TRHR: variants seen among roughly 807,000 people sequenced by gnomAD.
TRHR encodes the protein thyrotropin releasing hormone receptor.
Under a neutral mutation model 28.0 loss-of-function variants are expected in TRHR, and 14 were observed. The ratio of observed to expected loss-of-function variants is 0.50; its 90% CI spans 0.33 to 0.78. The LOEUF (loss-of-function observed/expected upper bound fraction) is 0.78. TRHR is among the 30% of genes least tolerant of loss of function. The pLI, the probability that TRHR is intolerant of heterozygous loss-of-function variation, is 0.02. For synonymous variants in TRHR, 176 were observed against 171.9 expected (o/e 1.02, Z -0.18); for missense variants, 438 against 469.5 (o/e 0.93, Z 0.62).
chr8:109,098,670 C>T (rs1267985514), intron 2 of TRHR, among the ~76,000 whole-genome samples: 1 of 152,160 alleles, frequency 6.6e-6, no homozygotes, highest in Non-Finnish European at 1.5e-5. Context: ...CACCCTCATA[C>T]AGGCAATTTC....
chr8:109,097,221 C>T (rs1452937657), intron 2 of TRHR, among the ~76,000 whole-genome samples: 1 of 152,100 alleles, frequency 6.6e-6, no homozygotes, highest in Admixed American at 6.6e-5. Context: ...AATGACCACC[C>T]AGGGAAGGGA....
intron 2 of TRHR, among the ~76,000 whole-genome samples, chr8:109,107,504 T>A (rs1811768597): frequency 1.3e-5 from 2 of 152,192 alleles, no homozygotes; most frequent in Admixed American, 1.3e-4. Context: ...ACCACTATAC[T>A]AATACTGCAA....
chr8:109,110,634 T>C (rs1426514235), intron 2 of TRHR, among the ~76,000 whole-genome samples: 1 of 152,158 alleles, frequency 6.6e-6, no homozygotes, highest in Non-Finnish European at 1.5e-5. Flanking sequence ...TTAGCATCCC[T>C]GGGTGGCTTC....
intron 2 of TRHR, among the ~76,000 whole-genome samples, chr8:109,099,426 C>A (rs1041391047): frequency 6.6e-6 from 1 of 152,138 alleles, no homozygotes; most frequent in Non-Finnish European, 1.5e-5. Context: ...TTAGTGGATT[C>A]TCTCAGTTGG....
Position 109,088,297 on chromosome 8 carries a change from A to ATT in TRHR, c.785_786insTT (p.Lys262AsnfsTer12). ...TTCAACAGCACAGTATCTTCAAGGA[A>ATT]GCAGGTAAGCAAAACTGAAACTCCA... On this transcript the variant is annotated frameshift_variant, in exon 2 of 3. Coordinates refer to ENST00000518632, the MANE Select transcript of TRHR (RefSeq NM_003301.7). LOFTEE classifies it high-confidence loss of function. 1 of 1,613,220 alleles carries ATT rather than the reference A, an allele frequency of 6.2e-7. No individual in the cohort carries two copies. Among genetic ancestry groups the ATT allele is most frequent in the Non-Finnish European group, 8.5e-7 (1 of 1,179,966 alleles).
In TRHR at chr8:109,119,127, C is replaced by A; in HGVS notation, c.869C>A (p.Ser290Ter). Residue 290 changes from serine (S) to a stop codon, truncating the protein, a stop_gained, in exon 3 of 3, where the codon TCA becomes TAA. Coordinates refer to ENST00000518632, the MANE Select transcript of TRHR (RefSeq NM_003301.7). LOFTEE classifies it high-confidence loss of function. ...TACAGGACTCTAGTGGTTGTCAACT[C>A]ATTTCTCTCCAGTCCTTTCCAAGAA... ...MPYRTLVVVN[S>*]FLSSPFQENW... is the part of the protein sequence containing the mutation. 6.2e-7 allele frequency: 1 copy of A among 1,612,940 alleles called. No homozygotes were observed. Among genetic ancestry groups the A allele is most frequent in the East Asian group, 2.2e-5 (1 of 44,846 alleles).
intron 2 of TRHR, among the ~76,000 whole-genome samples, chr8:109,100,876 G>C (rs1454237567): frequency 1.3e-5 from 2 of 151,644 alleles, no homozygotes; most frequent in Non-Finnish European, 2.9e-5. Context: ...TTATGTACTA[G>C]GACCTACACA....
intron 2 of TRHR, among the ~76,000 whole-genome samples, chr8:109,089,972 G>C (rs1361189986): frequency 7.2e-5 from 11 of 152,016 alleles, no homozygotes. Flanking sequence ...GCTTTAATTT[G>C]CTAATTATGT....
chr8:109,093,997 T>C (rs1811551835), intron 2 of TRHR, among the ~76,000 whole-genome samples: 1 of 152,088 alleles, frequency 6.6e-6, no homozygotes, highest in South Asian at 2.1e-4. Context: ...AGGCACAATG[T>C]TGGAATGTCA....
chr8:109,109,094 G>A (rs1007329862), intron 2 of TRHR, among the ~76,000 whole-genome samples: 2 of 152,166 alleles, frequency 1.3e-5, no homozygotes, highest in Admixed American at 6.5e-5. Context: ...GTATCACAGC[G>A]TGAATAAGAA....
chr8:109,093,306 T>C (rs1223837807), intron 2 of TRHR, among the ~76,000 whole-genome samples: 4 of 151,634 alleles, frequency 2.6e-5, no homozygotes, highest in South Asian at 4.2e-4. Context: ...ACAATGCTCA[T>C]GGAAAATGAA....
At chr8:109,090,940 A>G (rs1811509419) in intron 2 of TRHR, among the ~76,000 whole-genome samples, 2 of 152,028 alleles carry the variant, frequency 1.3e-5, no homozygotes, top group Non-Finnish European at 2.9e-5. Flanking sequence ...AAGAAGAGAA[A>G]GAGACAGAGA....
Position 109,121,011 on chromosome 8 carries a change from T to C in TRHR, c.*1556T>C, listed in dbSNP as rs1477706993. Among the ~76,000 whole-genome samples, 1 of 151,534 alleles carries C rather than the reference T, an allele frequency of 6.6e-6. No individual in the cohort carries two copies. The highest frequency in any genetic ancestry group is 1.5e-5 in the Non-Finnish European group (1 of 67,722). On this transcript the variant is annotated 3_prime_UTR_variant, in exon 3 of 3. Transcript: ENST00000518632. ...CATCTTCTTAATGAAGAATATACCA[T>C]TCTTCTGAAACTTGTTTTTACGTGC...
chr8:109,102,695 C>T (rs562748593), intron 2 of TRHR, among the ~76,000 whole-genome samples: 3 of 152,090 alleles, frequency 2.0e-5, no homozygotes, highest in African/African-American at 7.2e-5. Context: ...GGAGAAAAGG[C>T]ATGGCTGTTC....
chr8:109,108,199 G>A (rs771505719), intron 2 of TRHR, among the ~76,000 whole-genome samples: 1 of 152,156 alleles, frequency 6.6e-6, no homozygotes, highest in African/African-American at 2.4e-5. Flanking sequence ...AGACAACTAA[G>A]TGCCCTCTTA....
At chr8:109,116,716 A>T (rs1407581454) in intron 2 of TRHR, among the ~76,000 whole-genome samples, 1 of 151,694 alleles carries the variant, frequency 6.6e-6, no homozygotes, top group Non-Finnish European at 1.5e-5. Context: ...CTATGGTTAC[A>T]TATTTTAAAA....
At chr8:109,089,532 A>G (rs1811493247) in intron 2 of TRHR, among the ~76,000 whole-genome samples, 1 of 152,138 alleles carries the variant, frequency 6.6e-6, no homozygotes, top group Non-Finnish European at 1.5e-5. Flanking sequence ...GGAAACATAT[A>G]CTGCATTTTA....
intron 2 of TRHR, among the ~76,000 whole-genome samples, chr8:109,089,182 C>T (rs1252741119): frequency 6.6e-6 from 1 of 152,086 alleles, no homozygotes; most frequent in East Asian, 1.9e-4. Context: ...AGGTTACTGA[C>T]AAACTTAGCT....
chr8:109,089,590 A>G (rs1461378259), intron 2 of TRHR, among the ~76,000 whole-genome samples: 1 of 152,188 alleles, frequency 6.6e-6, no homozygotes, highest in Non-Finnish European at 1.5e-5. Flanking sequence ...ATTAAAGATA[A>G]CTAGATGACA....
Sources: gnomAD v4.1 joint callset for allele counts (sites outside exome capture counted in the v4.1 genomes callset) on GRCh38, gnomAD v4.1.1 for gene constraint, MANE v1.5 for transcripts, NCBI Gene and HGNC (gene_info 2026-07-23, HGNC 2026-07-21) for gene names.